EGFLAM: variants seen among roughly 807,000 people sequenced by gnomAD.
EGFLAM encodes EGF like, fibronectin type III and laminin G domains.
EGFLAM carries 79 observed loss-of-function variants against 113.1 expected under a neutral mutation model. The ratio of observed to expected loss-of-function variants is 0.70; its 90% CI spans 0.58 to 0.84. EGFLAM has a LOEUF of 0.84. Among genes scored for constraint, EGFLAM ranks in the 40% least tolerant of loss-of-function variants. The probability of loss-of-function intolerance (pLI) is 0.00; values close to 1 mark genes in which losing one functional copy is unlikely to be tolerated. For missense variants in EGFLAM, 1,265 were observed against 1,291.6 expected (o/e 0.98, Z 0.32); for synonymous variants, 504 against 487.6 (o/e 1.03, Z -0.44).
At chr5:38,278,672 A>T (rs113940818) in intron 1 of EGFLAM, among the ~76,000 whole-genome samples, 17,151 of 152,130 alleles carry the variant, frequency 0.11, 1,107 homozygotes, top group Admixed American at 0.17. Context: ...TACTTTTAGT[A>T]GAGATGGGGT....
At chr5:38,365,986 A>G (rs1740048695) in intron 5 of EGFLAM, among the ~76,000 whole-genome samples, 1 of 152,166 alleles carries the variant, frequency 6.6e-6, no homozygotes, top group Non-Finnish European at 1.5e-5. Flanking sequence ...CCTAATTGAC[A>G]TCAAAAGGTT....
intron 6 of EGFLAM, among the ~76,000 whole-genome samples, chr5:38,384,915 G>T (rs1360617076): frequency 6.6e-6 from 1 of 152,050 alleles, no homozygotes; most frequent in Non-Finnish European, 1.5e-5. Context: ...CACAACTGGG[G>T]GGAAAGTGCT....
chr5:38,354,614 C>T (rs1445443965), intron 5 of EGFLAM, among the ~76,000 whole-genome samples: 1 of 151,948 alleles, frequency 6.6e-6, no homozygotes. Context: ...CCTGTAATCC[C>T]ACCTACTCAG....
chr5:38,375,416 T>C (rs1561055182), intron 6 of EGFLAM, among the ~76,000 whole-genome samples: 1 of 152,172 alleles, frequency 6.6e-6, no homozygotes, highest in Admixed American at 6.5e-5. Context: ...AATGCCCACT[T>C]TGCTCCTTGA....
chr5:38,332,650 T>C (rs1301006831), intron 1 of EGFLAM, among the ~76,000 whole-genome samples: 1 of 152,240 alleles, frequency 6.6e-6, no homozygotes, highest in Non-Finnish European at 1.5e-5. Flanking sequence ...ATTATTTCTA[T>C]AGATTATAGA....
intron 5 of EGFLAM, among the ~76,000 whole-genome samples, chr5:38,360,268 A>G (rs978982706): frequency 6.6e-6 from 1 of 152,178 alleles, no homozygotes; most frequent in Admixed American, 6.5e-5. Flanking sequence ...GGTTAAAGGC[A>G]TTTCTCATTC....
intron 6 of EGFLAM, chr5:38,401,230 G>C (rs1339225527): frequency 1.3e-5 from 2 of 152,120 alleles, no homozygotes; most frequent in Middle Eastern, 3.2e-3. Flanking sequence ...TCCTAGAGCA[G>C]ATGGAGGGGC....
chr5:38,448,816 C>CA (rs1742810349), intron 18 of EGFLAM, among the ~76,000 whole-genome samples: 1 of 152,208 alleles, frequency 6.6e-6, no homozygotes, highest in African/African-American at 2.4e-5. Flanking sequence ...AGCAGAAGGA[C>CA]AGACAGATCC....
intron 21 of EGFLAM, 111 bp from the exon 22 acceptor site, chr5:38,463,721 C>G (rs985502169): frequency 7.4e-7 from 1 of 1,348,346 alleles, no homozygotes. Context: ...TCCCATGAAT[C>G]AAGGGATGCC....
chr5:38,301,149 C>T (rs567409877), intron 1 of EGFLAM, among the ~76,000 whole-genome samples: 1 of 152,160 alleles, frequency 6.6e-6, no homozygotes, highest in South Asian at 2.1e-4. Context: ...TACTGAAAGC[C>T]AAGTGTGTTG....
chr5:38,435,806 CTTTTTTTTTTTTT>C (rs60461690), intron 16 of EGFLAM, among the ~76,000 whole-genome samples: 1,228 of 88,982 alleles, frequency 0.014, 44 homozygotes, highest in African/African-American at 0.055. Flanking sequence ...CCGGCTCTCT[CTTTTTTTTTTTTT>C]TTTTTTTTTT....
chr5:38,458,802 G>A (rs140319284), intron 20 of EGFLAM, among the ~76,000 whole-genome samples: 100 of 152,088 alleles, frequency 6.6e-4, no homozygotes, highest in East Asian at 2.7e-3. Flanking sequence ...GTTACATGGC[G>A]AAACCCTGTC....
At chr5:38,315,811 C>T (rs1738578501) in intron 1 of EGFLAM, among the ~76,000 whole-genome samples, 1 of 152,268 alleles carries the variant, frequency 6.6e-6, no homozygotes, top group Non-Finnish European at 1.5e-5. Context: ...CATGGTGGCT[C>T]ATGTCTGTAA....
intron 5 of EGFLAM, among the ~76,000 whole-genome samples, chr5:38,360,745 A>G (rs955707985): frequency 3.3e-5 from 5 of 152,156 alleles, no homozygotes; most frequent in African/African-American, 1.2e-4. Context: ...AACTATTCCT[A>G]CATGGCTTAC....
intron 6 of EGFLAM, among the ~76,000 whole-genome samples, chr5:38,404,384 A>G (rs1436252838): frequency 6.6e-6 from 1 of 152,196 alleles, no homozygotes; most frequent in South Asian, 2.1e-4. Context: ...CCATGTGAAG[A>G]TGCAGTGAGA....
In EGFLAM at chr5:38,426,979, G is replaced by C. The variant is rs1385650864; in HGVS notation, c.1811-30G>C. The C allele has an allele frequency of 2.5e-6, 4 of 1,610,436 alleles. No individual in the cohort carries two copies. The African/African-American group carries it at 5.3e-5, about 22-fold the overall frequency. On this transcript the variant is annotated intron_variant, in intron 13 of 21. Transcript: ENST00000322350. ...CATCTGGCCAGTTTCTGCCACAGAG[G>C]GATTTCTAACACCATGCTTGTTTTT...
intron 1 of EGFLAM, among the ~76,000 whole-genome samples, chr5:38,332,106 A>G (rs984375503): frequency 6.6e-6 from 1 of 152,084 alleles, no homozygotes; most frequent in Non-Finnish European, 1.5e-5. Context: ...AGTGCTCTGG[A>G]TTTTGGCCAT....
chr5:38,338,685 G>A lies in EGFLAM; in HGVS notation c.208-13G>A, dbSNP rs576611976. The A allele has an allele frequency of 2.0e-5, 32 of 1,613,750 alleles. 1 individual carries two copies. Among genetic ancestry groups the A allele is most frequent in the Middle Eastern group, 3.3e-4 (2 of 6,060 alleles). ...GGGCTCTGCTCTCACCAGGGTGTCTGCATCTTTTCAAGGTCTTTTACTCTG... is the reference window on the plus strand; with the variant it reads ...GGGCTCTGCTCTCACCAGGGTGTCTACATCTTTTCAAGGTCTTTTACTCTG... On this transcript the variant is annotated splice_polypyrimidine_tract_variant and intron_variant, in intron 2 of 21. Transcript: ENST00000322350.
intron 5 of EGFLAM, among the ~76,000 whole-genome samples, chr5:38,357,970 T>TC (rs1158201848): frequency 6.9e-6 from 1 of 144,286 alleles, no homozygotes; most frequent in Non-Finnish European, 1.5e-5. Context: ...TAAGTGAATT[T>TC]TTTTTTTTTT....
Sources: allele counts gnomAD v4.1 joint callset (sites outside exome capture counted in the v4.1 genomes callset), GRCh38; gene constraint gnomAD v4.1.1; transcripts MANE v1.5; gene names NCBI Gene and HGNC (gene_info 2026-07-23, HGNC 2026-07-21).